The following CRY2 variants were observed in gnomAD, a reference collection of about 807,000 sequenced individuals.
CRY2 encodes cryptochrome-2.
A neutral mutation model predicts 69.5 loss-of-function variants in CRY2; 31 were observed. The ratio of observed to expected loss-of-function variants is 0.45; its 90% CI spans 0.34 to 0.60. CRY2 has a LOEUF of 0.60. Ranked by LOEUF, CRY2 falls within the 20% of genes least tolerant of loss-of-function variation. CRY2 has a pLI of 0.02. For missense variants in CRY2, 606 were observed against 797.8 expected, an observed-to-expected ratio of 0.76 and a Z score of 2.90; for synonymous variants, 303 against 312.2, an observed-to-expected ratio of 0.97 and a Z score of 0.31.
At chr11:45,849,809 G>T (rs2086182202) in intron 1 of CRY2, among the ~76,000 whole-genome samples, 1 of 152,012 alleles carries the variant, frequency 6.6e-6, no homozygotes, top group East Asian at 1.9e-4. Context: ...TTTTAGTAGA[G>T]ACAGGGTTTC....
At chr11:45,852,998 T>C (rs2086209215) in intron 1 of CRY2, among the ~76,000 whole-genome samples, 1 of 152,200 alleles carries the variant, frequency 6.6e-6, no homozygotes, top group East Asian at 1.9e-4. Flanking sequence ...TGGTGCTCCC[T>C]AATGGCTGAG....
chr11:45,862,958 G>C (rs1196683810), intron 5 of CRY2, among the ~76,000 whole-genome samples: 7 of 152,216 alleles, frequency 4.6e-5, no homozygotes, highest in African/African-American at 1.7e-4. Context: ...TAAAATGTCA[G>C]CTTTTTCTAT....
At chr11:45,856,951 T>C (rs1011190070) in intron 2 of CRY2, among the ~76,000 whole-genome samples, 69 of 152,174 alleles carry the variant, frequency 4.5e-4, no homozygotes, top group Admixed American at 4.4e-3. Flanking sequence ...AAAAAGTATA[T>C]TCTAAGGCCC....
chr11:45,863,476 G>A (rs1287144742), intron 5 of CRY2, among the ~76,000 whole-genome samples: 2 of 151,968 alleles, frequency 1.3e-5, no homozygotes, highest in African/African-American at 2.4e-5. Context: ...GTGGTGCCCA[G>A]AGGAAATACT....
intron 4 of CRY2, chr11:45,861,630 C>T (rs980153441): frequency 4.9e-5 from 9 of 184,986 alleles, no homozygotes; most frequent in Non-Finnish European, 7.8e-5. Flanking sequence ...TTAGTAGAGA[C>T]GGGGTTTCAC....
At chr11:45,853,078 G>T (rs2086209655) in intron 1 of CRY2, among the ~76,000 whole-genome samples, 1 of 152,194 alleles carries the variant, frequency 6.6e-6, no homozygotes, top group African/African-American at 2.4e-5. Context: ...AACATGTCAA[G>T]CCTGACAGAT....
chr11:45,860,386 T>TA (rs34068985), intron 3 of CRY2, among the ~76,000 whole-genome samples: 59,156 of 130,344 alleles, frequency 0.45, 14,538 homozygotes, highest in Middle Eastern at 0.56. Flanking sequence ...ATGTTAGAGT[T>TA]AAAAAAAAAA....
intron 1 of CRY2, among the ~76,000 whole-genome samples, chr11:45,851,219 A>G (rs956289328): frequency 2.0e-5 from 3 of 152,150 alleles, no homozygotes; most frequent in African/African-American, 7.2e-5. Context: ...CCCCACTGCA[A>G]CTTGGATAGG....
chr11:45,862,303 C>T (rs571705469), intron 5 of CRY2, among the ~76,000 whole-genome samples, 155 bp downstream of exon 5: 3 of 152,222 alleles, frequency 2.0e-5, no homozygotes, highest in African/African-American at 7.2e-5. Context: ...AACAGCAACA[C>T]TAACAGCAAC....
chr11:45,871,889 G>A (rs1263306961), intron 10 of CRY2, among the ~76,000 whole-genome samples: 2 of 152,228 alleles, frequency 1.3e-5, no homozygotes, highest in East Asian at 3.9e-4. Context: ...CTACCAGCAG[G>A]CCTGCTTGGT....
At position 45,872,185 on chromosome 11, in the gene CRY2, G is replaced by T; in HGVS notation, c.1736G>T (p.Arg579Leu). Residue 579 changes from arginine (R) to leucine (L), a missense_variant, in exon 11 of 12, where the codon CGG becomes CTG. Arg to Leu is a moderately radical substitution (Grantham distance 102). Around this residue, in one of 5 missense-constraint regions of CRY2, gnomAD observed 173 missense variants for 213.7 expected, o/e 0.81. Coordinates refer to ENST00000616080, the MANE Select transcript of CRY2 (RefSeq NM_021117.5). ...GGTGAAGAACTCAGCAAACGGGCCC[G>T]GGTGGCAGAGTTGCCAACCCCAGAG... ...PPGEELSKRA[R>L]VAELPTPELP... The T allele has an allele frequency of 6.2e-7, 1 of 1,614,102 alleles. No individual in the cohort carries two copies. The highest frequency in any genetic ancestry group is 8.5e-7 in the Non-Finnish European group (1 of 1,180,022).
intron 2 of CRY2, among the ~76,000 whole-genome samples, chr11:45,856,688 C>G (rs865866887): frequency 6.6e-6 from 1 of 151,752 alleles, no homozygotes; most frequent in Admixed American, 6.6e-5. Flanking sequence ...CCCAGCTACT[C>G]GAGAGGCTGA....
In CRY2 at chr11:45,864,233, G is replaced by A. The variant is rs538707038; in HGVS notation, c.741+2085G>A. ...ATCCAGACTGTGGGAATCTTGGCAA[G>A]TCAGATGGCCTGGATTCTTTCCCAG... On this transcript the variant is annotated intron_variant, in intron 5 of 11. Transcript: ENST00000616080. Among the ~76,000 whole-genome samples, 7 of 152,278 alleles carry A rather than the reference G, an allele frequency of 4.6e-5. No homozygotes were observed. The South Asian group carries it at 1.5e-3, about 32-fold the overall frequency.
chr11:45,871,685 GT>G (rs2086384924), intron 10 of CRY2, among the ~76,000 whole-genome samples: 1 of 152,220 alleles, frequency 6.6e-6, no homozygotes, highest in African/African-American at 2.4e-5. Flanking sequence ...AAGAACACGG[GT>G]TTTTCTAGTT....
chr11:45,862,209 A>G, intron 5 of CRY2, 61 bp downstream of exon 5: 1 of 1,501,904 alleles, frequency 6.7e-7, no homozygotes, highest in East Asian at 2.3e-5. Flanking sequence ...CAGGAGATAC[A>G]GGTCATGTCC....
At chr11:45,854,870 A>G (rs796664343) in intron 1 of CRY2, among the ~76,000 whole-genome samples, 10 of 152,292 alleles carry the variant, frequency 6.6e-5, no homozygotes, top group African/African-American at 2.4e-4. Flanking sequence ...ATTTCCTTCA[A>G]AATAGTTGAG....
At chr11:45,847,200 C>CGCGGACAGCCCCAGCCT (rs752192327), upstream of CRY2, 262 of 1,550,234 alleles carry the variant, frequency 1.7e-4, no homozygotes, top group Non-Finnish European at 2.0e-4. Context: ...CCCGGCACTC[C>CGCGGACAGCCCCAGCCT]GCGGACAGCC....
chr11:45,848,059 G>T (rs1368328898), intron 1 of CRY2, among the ~76,000 whole-genome samples: 2 of 152,288 alleles, frequency 1.3e-5, no homozygotes, highest in East Asian at 3.9e-4. Flanking sequence ...GGGCTCTTAC[G>T]GTCTACTCAG....
In CRY2 at chr11:45,872,185, G is replaced by A. The variant is rs1189796814; in HGVS notation, c.1736G>A (p.Arg579Gln). ...PPGEELSKRA[R>Q]VAELPTPELP... ...GGTGAAGAACTCAGCAAACGGGCCCGGGTGGCAGAGTTGCCAACCCCAGAG... is the reference window on the plus strand; with the variant it reads ...GGTGAAGAACTCAGCAAACGGGCCCAGGTGGCAGAGTTGCCAACCCCAGAG... The change falls in exon 11 of 12, where the codon CGG (arginine) becomes CAG (glutamine). Residue 579 changes from arginine (R) to glutamine (Q), a missense_variant. Coordinates refer to ENST00000616080, the MANE Select transcript of CRY2 (RefSeq NM_021117.5). 1.2e-5 allele frequency: 19 copies of A among 1,613,984 alleles called. No individual in the cohort carries two copies. In the Admixed American group the frequency reaches 1.5e-4, roughly 13 times the overall value.
Sources: gnomAD v4.1 joint callset for allele counts (sites outside exome capture counted in the v4.1 genomes callset) on GRCh38, gnomAD v4.1.1 for gene constraint, gnomAD v4.1.1 regional missense constraint, MANE v1.5 for transcripts, NCBI Gene and HGNC (gene_info 2026-07-23, HGNC 2026-07-21) for gene names.